HMGN1: variants seen among roughly 807,000 people sequenced by gnomAD.
HMGN1 encodes the protein high mobility group nucleosome binding domain 1.
Under a neutral mutation model 18.4 loss-of-function variants are expected in HMGN1, and 9 were observed. That is an observed-to-expected ratio of 0.49 (90% CI 0.29 to 0.85). HMGN1 has a LOEUF of 0.85. Among genes scored for constraint, HMGN1 ranks in the 40% least tolerant of loss-of-function variants. HMGN1 has a pLI of 0.07. For synonymous variants in HMGN1, 59 were observed against 45.0 expected, an observed-to-expected ratio of 1.31 and a Z score of -1.24; for missense variants, 151 against 119.2, an observed-to-expected ratio of 1.27 and a Z score of -1.24.
chr21:39,348,125 G>A (rs1434156727), intron 4 of HMGN1, 167 bp downstream of exon 4: 10 of 934,448 alleles, frequency 1.1e-5, no homozygotes, highest in Non-Finnish European at 1.6e-5. Context: ...CTATAAACCA[G>A]GATGAATATA....
Position 39,343,022 on chromosome 21 carries a change from C to G in HMGN1, c.*90G>C, listed in dbSNP as rs557186954. 7.8e-7 allele frequency: 1 copy of G among 1,287,818 alleles called. No homozygotes were observed. Among genetic ancestry groups the G allele is most frequent in the Admixed American group, 1.8e-5 (1 of 54,546 alleles). The allele number at this position is 1,287,818 out of a possible 1,614,324, so 79.8% of individuals were successfully genotyped here. A position where few individuals can be genotyped will look rare whatever the true frequency, so the allele number is the denominator to read the frequency against. ...AAATGTTTCTAGAGCTACTAAAAAACTTGCATTTACAAAATAGTTGATAAA... is the reference window on the plus strand; with the variant it reads ...AAATGTTTCTAGAGCTACTAAAAAAGTTGCATTTACAAAATAGTTGATAAA... On this transcript the variant is annotated 3_prime_UTR_variant, in exon 6 of 6. Coordinates refer to ENST00000380749, the MANE Select transcript of HMGN1 (RefSeq NM_004965.7).
chr21:39,343,774 G>C (rs1307359186), intron 5 of HMGN1, among the ~76,000 whole-genome samples: 1 of 152,170 alleles, frequency 6.6e-6, no homozygotes, highest in Admixed American at 6.5e-5. Context: ...ACCCAATCCT[G>C]TACTTCCCCT....
Position 39,348,591 on chromosome 21 carries a change from G to A in HMGN1, c.16-14C>T, listed in dbSNP as rs770489019. The stretch of plus-strand genomic sequence containing the variant: ...GGCGGAGCTGACCTGCGGAGACGGA[G>A]ACGCACGAATAGAGGCGGGCCGCAG... On this transcript the variant is annotated splice_polypyrimidine_tract_variant and intron_variant, in intron 1 of 5. Transcript: ENST00000380749. 5.7e-5 allele frequency: 91 copies of A among 1,589,452 alleles called. No homozygotes were observed. The highest frequency in any genetic ancestry group is 6.5e-5 in the Non-Finnish European group (76 of 1,169,478).
chr21:39,348,187 A>G lies in HMGN1; in HGVS notation c.126+105T>C, dbSNP rs2037128093. On this transcript the variant is annotated intron_variant, in intron 4 of 5. Coordinates refer to ENST00000380749, the MANE Select transcript of HMGN1 (RefSeq NM_004965.7). ...AGAAAAATTATTTACCGTAATTATT[A>G]AAGTATAAATAAAGCTCCAATAGCT... 5.1e-6 allele frequency: 7 copies of G among 1,383,890 alleles called. 1 individual carries two copies. Among genetic ancestry groups the G allele is most frequent in the South Asian group, 3.7e-5 (3 of 81,852 alleles). 85.7% of individuals were successfully genotyped at this position (1,383,890 alleles called of 1,614,324 possible).
chr21:39,347,057 A>AACACACACACACAC (rs3138678), intron 4 of HMGN1: 1 of 149,084 alleles, frequency 6.7e-6, no homozygotes, highest in African/African-American at 2.4e-5. Context: ...ATTAGTTTAA[A>AACACACACACACAC]ACACACACAC....
intron 5 of HMGN1, 95 bp from the exon 6 acceptor site, chr21:39,343,254 T>G: frequency 8.3e-7 from 1 of 1,209,074 alleles, no homozygotes; most frequent in Non-Finnish European, 1.2e-6. Flanking sequence ...CAATAACCTT[T>G]GTTATTTGTA....
At chr21:39,347,456 T>C (rs2037095305) in intron 4 of HMGN1, 13 of 1,297,190 alleles carry the variant, frequency 1.0e-5, no homozygotes, top group Non-Finnish European at 1.3e-5. Context: ...CCTCTTCTGA[T>C]GACTGCAGTG....
At chr21:39,346,943 T>C (rs2037074370) in intron 4 of HMGN1, 1 of 152,260 alleles carries the variant, frequency 6.6e-6, no homozygotes, top group South Asian at 2.1e-4. Flanking sequence ...TGGAACTGTT[T>C]TCATTAAAAA....
rs1328721707 is a variant in HMGN1 at position 39,348,919 on chromosome 21, G to C, written c.-2C>G. The stretch of plus-strand genomic sequence containing the variant: ...GCCGCTCACCTTCCTCTTGGGCATC[G>C]TGGCGGCGGGGAAGGCGCGTGCCGG... On this transcript the variant is annotated 5_prime_UTR_variant, in exon 1 of 6. Coordinates refer to ENST00000380749, the MANE Select transcript of HMGN1 (RefSeq NM_004965.7). The C allele has an allele frequency of 7.6e-6, 9 of 1,191,710 alleles. No homozygotes were observed. In the East Asian group the frequency reaches 2.5e-4, roughly 33 times the overall value. The allele number at this position is 1,191,710 out of a possible 1,614,324, so 73.8% of individuals were successfully genotyped here.
chr21:39,345,506 T>A (rs2037020339), intron 4 of HMGN1: 1 of 565,900 alleles, frequency 1.8e-6, no homozygotes, highest in Non-Finnish European at 3.1e-6. Context: ...TTAATGTCTA[T>A]CACACATCAG....
chr21:39,347,528 A>G (rs1251898670), intron 4 of HMGN1: 1 of 713,708 alleles, frequency 1.4e-6, no homozygotes, highest in African/African-American at 1.8e-5. Context: ...TTTTTTTGAG[A>G]CTTCAAATAG....
intron 4 of HMGN1, 64 bp from the exon 5 acceptor site, chr21:39,345,338 T>G: frequency 6.6e-7 from 1 of 1,521,086 alleles, no homozygotes; most frequent in South Asian, 1.1e-5. Flanking sequence ...TTTGTTTTAC[T>G]TTTTCCCCTT....
chr21:39,348,378 A>C, intron 3 of HMGN1, 39 bp from the exon 4 acceptor site: 1 of 1,614,038 alleles, frequency 6.2e-7, no homozygotes, highest in African/African-American at 1.3e-5. Flanking sequence ...CTCACCCGGG[A>C]CGACCCGCGG....
intron 5 of HMGN1, among the ~76,000 whole-genome samples, chr21:39,344,128 C>T (rs561476029): frequency 1.2e-4 from 18 of 151,946 alleles, no homozygotes; most frequent in East Asian, 3.9e-4. Context: ...TGGGGATGCA[C>T]GCCTGTAATC....
chr21:39,342,558 G>A lies in HMGN1; in HGVS notation c.*554C>T, dbSNP rs921824556. ...CCACCAGTTCACAACTCAACAGCAC[G>A]TACACTACATGTTCAAATCTGTAAT... On this transcript the variant is annotated 3_prime_UTR_variant, in exon 6 of 6. Transcript: ENST00000380749. 3.5e-6 allele frequency: 1 copy of A among 289,608 alleles called. No homozygotes were observed. The highest frequency in any genetic ancestry group is 2.9e-5 in the South Asian group (1 of 34,458). The allele number at this position is 289,608 out of a possible 1,614,324, so 17.9% of individuals were successfully genotyped here.
chr21:39,348,221 T>C lies in HMGN1; in HGVS notation c.126+71A>G, dbSNP rs923034555. On this transcript the variant is annotated intron_variant, in intron 4 of 5. Coordinates refer to ENST00000380749, the MANE Select transcript of HMGN1 (RefSeq NM_004965.7). ...ATAAAGCTCCAATAGCTAATCAAAA[T>C]GGAAGCCCCGCATTAAGAAGCAGTG... The C allele has an allele frequency of 1.7e-5, 27 of 1,565,362 alleles. No homozygotes were observed. In the African/African-American group the frequency reaches 2.6e-4, roughly 15 times the overall value.
chr21:39,348,921 G>A lies in HMGN1; in HGVS notation c.-4C>T. ...CGCTCACCTTCCTCTTGGGCATCGT[G>A]GCGGCGGGGAAGGCGCGTGCCGGGT... is the stretch of plus-strand genomic sequence containing the variant. On this transcript the variant is annotated 5_prime_UTR_variant, in exon 1 of 6. Transcript: ENST00000380749. 1 of 1,194,718 alleles carries A rather than the reference G, an allele frequency of 8.4e-7. No individual in the cohort carries two copies. Among genetic ancestry groups the A allele is most frequent in the Non-Finnish European group, 1.0e-6 (1 of 964,334 alleles). 74.0% of individuals were successfully genotyped at this position (1,194,718 alleles called of 1,614,324 possible).
intron 5 of HMGN1, among the ~76,000 whole-genome samples, chr21:39,344,905 T>C (rs182696887): frequency 1.3e-4 from 20 of 152,302 alleles, no homozygotes; most frequent in Middle Eastern, 3.4e-3. Context: ...AAAGATTGAA[T>C]TATATCTGAA....
chr21:39,348,830 T>TGGGCCTCGCGGGGCCC lies in HMGN1; in HGVS notation c.15+57_15+72dup, dbSNP rs1266755835. 4 of 1,026,194 alleles carry TGGGCCTCGCGGGGCCC rather than the reference T, an allele frequency of 3.9e-6. No individual in the cohort carries two copies. The African/African-American group carries it at 5.1e-5, about 13-fold the overall frequency. The allele number at this position is 1,026,194 out of a possible 1,614,324, so 63.6% of individuals were successfully genotyped here. On this transcript the variant is annotated intron_variant, in intron 1 of 5. Transcript: ENST00000380749. ...TCGCCACCGTGGGTGCAACGGGGCCTGGGCCTCGCGGGGCCCGGCGGGGCG... is the reference window on the plus strand; with the variant it reads ...TCGCCACCGTGGGTGCAACGGGGCCTGGGCCTCGCGGGGCCCGGGCCTCGCGGGGCCCGGCGGGGCG...
Sources: gnomAD v4.1 joint callset for allele counts (sites outside exome capture counted in the v4.1 genomes callset) on GRCh38, gnomAD v4.1.1 for gene constraint, MANE v1.5 for transcripts, NCBI Gene and HGNC (gene_info 2026-07-23, HGNC 2026-07-21) for gene names.